The following MAML3 variants were observed in gnomAD, a reference collection of about 807,000 sequenced individuals.
MAML3 encodes the protein mastermind-like protein 3.
Under a neutral mutation model 101.9 loss-of-function variants are expected in MAML3, and 27 were observed. That is an observed-to-expected ratio of 0.27 (90% confidence interval 0.20 to 0.37). The LOEUF (loss-of-function observed/expected upper bound fraction) is 0.37. MAML3 is among the 10% of genes least tolerant of loss of function. The pLI, the probability that MAML3 is intolerant of heterozygous loss-of-function variation, is 1.00. For synonymous variants in MAML3, 501 were observed against 555.9 expected (o/e 0.90, Z 1.39); for missense variants, 1,316 against 1,444.9 (o/e 0.91, Z 1.45).
At chr4:139,722,330 A>G (rs1333089650) in intron 4 of MAML3, among the ~76,000 whole-genome samples, 4 of 152,234 alleles carry the variant, frequency 2.6e-5, no homozygotes, top group African/African-American at 4.8e-5. Flanking sequence ...AAGGGAAATA[A>G]AAGGACTTTT....
chr4:140,135,769 C>T (rs1210932451), intron 1 of MAML3, among the ~76,000 whole-genome samples: 1 of 152,356 alleles, frequency 6.6e-6, no homozygotes, highest in South Asian at 2.1e-4. Flanking sequence ...AACAGTGGGG[C>T]CTGTCTTCAG....
intron 2 of MAML3, among the ~76,000 whole-genome samples, chr4:139,776,643 C>T (rs751595613): frequency 2.6e-5 from 4 of 152,104 alleles, no homozygotes; most frequent in South Asian, 2.1e-4. Flanking sequence ...AGCAGATACG[C>T]GCAAAATGGT....
At chr4:139,849,515 C>T (rs764928786) in intron 2 of MAML3, among the ~76,000 whole-genome samples, 4 of 152,056 alleles carry the variant, frequency 2.6e-5, no homozygotes, top group Non-Finnish European at 4.4e-5. Flanking sequence ...CTGGGGTTGG[C>T]GCTCCCCAGT....
chr4:139,814,070 A>G (rs896933927), intron 2 of MAML3, among the ~76,000 whole-genome samples: 3 of 150,886 alleles, frequency 2.0e-5, no homozygotes, highest in East Asian at 3.9e-4. Context: ...TGATGATTTC[A>G]CCAAAAGTTG....
chr4:139,909,617 G>T (rs1279613062), intron 1 of MAML3, among the ~76,000 whole-genome samples: 1 of 152,098 alleles, frequency 6.6e-6, no homozygotes, highest in Non-Finnish European at 1.5e-5. Context: ...GGCCGCGGTA[G>T]GTGGAGGTCA....
chr4:139,891,861 C>CGGTT (rs1285413333), intron 1 of MAML3, among the ~76,000 whole-genome samples: 1 of 152,184 alleles, frequency 6.6e-6, no homozygotes, highest in Non-Finnish European at 1.5e-5. Context: ...ACGTTTCCAC[C>CGGTT]GGTTTCCACA....
At chr4:139,864,941 T>G (rs1420749296) in intron 2 of MAML3, among the ~76,000 whole-genome samples, 19 of 144,810 alleles carry the variant, frequency 1.3e-4, no homozygotes, top group African/African-American at 3.3e-4. Context: ...TTTTTTTTTT[T>G]TTTTTTTTTT....
rs1291844544 is a variant in MAML3 at position 139,889,732 on chromosome 4, G to A, written c.1704C>T (p.Asn568=). The change falls in exon 2 of 5, where the codon AAC becomes AAT. Residue 568 remains asparagine, a synonymous_variant. Transcript: ENST00000509479. The part of the protein sequence containing the change: ...ANNLQKTTMN[N]YLPQNHMNMI... ...TATTCATGTGATTCTGAGGGAGGTA[G>A]TTATTCATTGTTGTCTTCTGCAGGT... The A allele has an allele frequency of 6.2e-7, 1 of 1,613,888 alleles. No individual in the cohort carries two copies. The highest frequency in any genetic ancestry group is 8.5e-7 in the Non-Finnish European group (1 of 1,179,896).
intron 1 of MAML3, among the ~76,000 whole-genome samples, chr4:139,977,102 G>A (rs755434960): frequency 6.6e-6 from 1 of 152,102 alleles, no homozygotes; most frequent in Non-Finnish European, 1.5e-5. Flanking sequence ...CTTCCACCAG[G>A]AGACATGCAG....
chr4:139,749,793 A>C (rs1210603168), intron 2 of MAML3, among the ~76,000 whole-genome samples: 4 of 152,204 alleles, frequency 2.6e-5, no homozygotes, highest in Admixed American at 6.5e-5. Flanking sequence ...AGTTTTGAGC[A>C]ATGCAGTAAT....
intron 1 of MAML3, among the ~76,000 whole-genome samples, chr4:140,068,191 T>C (rs1727572118): frequency 6.6e-6 from 1 of 152,152 alleles, no homozygotes; most frequent in Admixed American, 6.5e-5. Flanking sequence ...CACCTCTCAA[T>C]GGGAAGAGTG....
intron 1 of MAML3, among the ~76,000 whole-genome samples, chr4:139,918,318 T>G (rs1042333587): frequency 6.6e-6 from 1 of 152,140 alleles, no homozygotes; most frequent in Non-Finnish European, 1.5e-5. Context: ...AGCTCCTTCA[T>G]ACCCTTCTCC....
chr4:140,115,311 A>T (rs770697330), intron 1 of MAML3, among the ~76,000 whole-genome samples: 1 of 152,158 alleles, frequency 6.6e-6, no homozygotes, highest in Non-Finnish European at 1.5e-5. Context: ...TCAAGTGCTC[A>T]CTCTCAATTA....
chr4:140,067,003 G>A (rs1471008448), intron 1 of MAML3, among the ~76,000 whole-genome samples: 1 of 152,214 alleles, frequency 6.6e-6, no homozygotes. Context: ...GGGCCAGCAT[G>A]ACTTCTACGA....
rs776020228 is a variant in MAML3 at position 140,152,956 on chromosome 4, T to C, written c.372A>G (p.Lys124=). The C allele has an allele frequency of 1.2e-6, 2 of 1,612,130 alleles. No homozygotes were observed. Among genetic ancestry groups the C allele is most frequent in the Non-Finnish European group, 1.7e-6 (2 of 1,179,344 alleles). ...YQRTLEQRAK[K]SGAGTGKQQH... The stretch of plus-strand genomic sequence containing the variant: ...GCTGTTTGCCGGTGCCGGCGCCCGA[T>C]TTCTTGGCCCTCTGCTCCAGGGTCC... Residue 124 remains lysine, a synonymous_variant, in exon 1 of 5, where the codon AAA becomes AAG. Transcript: ENST00000509479.
intron 2 of MAML3, among the ~76,000 whole-genome samples, chr4:139,817,775 A>T (rs774365006): frequency 1.3e-5 from 2 of 152,182 alleles, no homozygotes; most frequent in Non-Finnish European, 2.9e-5. Flanking sequence ...ACCAACGCTG[A>T]AGCCATCTGA....
At chr4:140,053,293 G>A (rs1253797751) in intron 1 of MAML3, among the ~76,000 whole-genome samples, 1 of 152,092 alleles carries the variant, frequency 6.6e-6, no homozygotes, top group East Asian at 1.9e-4. Context: ...GAAATGGGGG[G>A]CACTCCTACT....
At chr4:139,996,236 G>A (rs1425105038) in intron 1 of MAML3, among the ~76,000 whole-genome samples, 2 of 152,132 alleles carry the variant, frequency 1.3e-5, no homozygotes, top group African/African-American at 2.4e-5. Flanking sequence ...TTGTTAAATG[G>A]ATTGTTCTAT....
Position 139,725,853 on chromosome 4 carries a change from A to G in MAML3, c.2332-18T>C, listed in dbSNP as rs1272382732. ...TGCAACTGCTAGAACAACAGAACACAAGAGGGGTGGAGAGGTGAGATAGGG... is the reference window on the plus strand; with the variant it reads ...TGCAACTGCTAGAACAACAGAACACGAGAGGGGTGGAGAGGTGAGATAGGG... On this transcript the variant is annotated intron_variant, in intron 3 of 4. Coordinates refer to ENST00000509479, the MANE Select transcript of MAML3 (RefSeq NM_018717.5). The G allele has an allele frequency of 6.2e-7, 1 of 1,609,446 alleles. No homozygotes were observed. The highest frequency in any genetic ancestry group is 8.5e-7 in the Non-Finnish European group (1 of 1,176,014).
Sources: allele counts gnomAD v4.1 joint callset (sites outside exome capture counted in the v4.1 genomes callset), GRCh38; gene constraint gnomAD v4.1.1; transcripts MANE v1.5; gene names NCBI Gene and HGNC (gene_info 2026-07-23, HGNC 2026-07-21).